PTPRT: variants seen among roughly 807,000 people sequenced by gnomAD.
PTPRT encodes the protein protein tyrosine phosphatase receptor type T.
A neutral mutation model predicts 176.8 loss-of-function variants in PTPRT; 56 were observed. The ratio of observed to expected loss-of-function variants is 0.32; its 90% CI spans 0.26 to 0.40. The LOEUF is 0.40. Ranked by LOEUF, PTPRT falls within the 10% of genes least tolerant of loss-of-function variation. The probability of loss-of-function intolerance (pLI) is 1.00; values close to 1 mark genes in which losing one functional copy is unlikely to be tolerated. For missense variants in PTPRT, 1,540 were observed against 1,908.2 expected (o/e 0.81, Z 3.60); for synonymous variants, 783 against 739.0 (o/e 1.06, Z -0.96).
At position 42,600,775 on chromosome 20, in the gene PTPRT, A is replaced by G. The variant is rs578056065; in HGVS notation, c.1153+77091T>C. Among the ~76,000 whole-genome samples the G allele has an allele frequency of 2.3e-4, 35 of 152,308 alleles. 1 individual carries two copies. The South Asian group carries it at 7.2e-3, about 32-fold the overall frequency. On this transcript the variant is annotated intron_variant, in intron 7 of 30. Transcript: ENST00000373187. ...CCTCCAGTTCCAACCATGTTGTTGCAAAATACATACTTTTATTCTTTTATG... is the reference window on the plus strand; with the variant it reads ...CCTCCAGTTCCAACCATGTTGTTGCGAAATACATACTTTTATTCTTTTATG...
intron 7 of PTPRT, among the ~76,000 whole-genome samples, chr20:42,485,225 G>A (rs777679363): frequency 3.9e-5 from 6 of 152,188 alleles, no homozygotes; most frequent in Non-Finnish European, 8.8e-5. Context: ...TGAAGAAAAG[G>A]AGAAGTCAAA....
At chr20:42,397,725 T>C (rs893352754) in intron 9 of PTPRT, among the ~76,000 whole-genome samples, 1 of 152,212 alleles carries the variant, frequency 6.6e-6, no homozygotes, top group Non-Finnish European at 1.5e-5. Flanking sequence ...AGGTCTTTGC[T>C]ATTGTGACTA....
intron 1 of PTPRT, among the ~76,000 whole-genome samples, chr20:43,002,482 A>G (rs1373613543): frequency 6.6e-6 from 1 of 152,222 alleles, no homozygotes; most frequent in African/African-American, 2.4e-5. Context: ...AAATCAACCA[A>G]AATTAAACAA....
Position 42,117,876 on chromosome 20 carries a change from T to C in PTPRT, c.2982+527A>G, listed in dbSNP as rs555056314. Among the ~76,000 whole-genome samples, 5 of 152,192 alleles carry C rather than the reference T, an allele frequency of 3.3e-5. No individual in the cohort carries two copies. In the South Asian group the frequency reaches 1.0e-3, roughly 32 times the overall value. On this transcript the variant is annotated intron_variant, in intron 21 of 30. Transcript: ENST00000373187. ...TATGCTAAGGGGAACAATTTGGCAA[T>C]GAGAAAGAGACTTATTTTGCAAGTG...
rs538606480 is a variant in PTPRT at position 42,533,992 on chromosome 20, GAT to G, written c.1154-61432_1154-61431del. Among the ~76,000 whole-genome samples, 400 of 152,280 alleles carry G rather than the reference GAT, an allele frequency of 2.6e-3. 4 individuals are homozygous for G. Among genetic ancestry groups the G allele is most frequent in the African/African-American group, 9.2e-3 (384 of 41,574 alleles). ...TCTGCAGCTGCCCTCTCTCTGTCCA[GAT>G]GGACAGTTTCCATAGAGATCCATGT... On this transcript the variant is annotated intron_variant, in intron 7 of 30. Transcript: ENST00000373187.
At position 42,617,927 on chromosome 20, in the gene PTPRT, A is replaced by G. The variant is rs77235955; in HGVS notation, c.1153+59939T>C. Among the ~76,000 whole-genome samples, 10 of 136,288 alleles carry G rather than the reference A, an allele frequency of 7.3e-5. 3 individuals are homozygous for G. The highest frequency in any genetic ancestry group is 1.9e-4 in the African/African-American group (6 of 31,110). 89.4% of individuals were successfully genotyped at this position (136,288 alleles called of 152,430 possible). A position where few individuals can be genotyped will look rare whatever the true frequency, so the allele number is the denominator to read the frequency against. On this transcript the variant is annotated intron_variant, in intron 7 of 30. Coordinates refer to ENST00000373187, the MANE Select transcript of PTPRT (RefSeq NM_007050.6). Reference sequence around the variant, plus strand: ...ATTGATTTTTTGAAGGGTTTTTTGTATCTCTATTTCCTTCAGTTCTGCTCT... The same window carrying G: ...ATTGATTTTTTGAAGGGTTTTTTGTGTCTCTATTTCCTTCAGTTCTGCTCT...
intron 1 of PTPRT, among the ~76,000 whole-genome samples, chr20:43,170,112 G>A (rs1236601196): frequency 6.6e-6 from 1 of 151,882 alleles, no homozygotes; most frequent in African/African-American, 2.4e-5. Flanking sequence ...CAACAGCAAT[G>A]AGACCATGGG....
chr20:42,212,867 T>C (rs570761849), intron 15 of PTPRT, among the ~76,000 whole-genome samples: 1 of 152,360 alleles, frequency 6.6e-6, no homozygotes, highest in Admixed American at 6.5e-5. Flanking sequence ...CCCTGGATAA[T>C]GACTTTTCTT....
At chr20:42,693,263 T>C (rs1314614957) in intron 6 of PTPRT, among the ~76,000 whole-genome samples, 1 of 152,182 alleles carries the variant, frequency 6.6e-6, no homozygotes, top group Non-Finnish European at 1.5e-5. Context: ...ATTAGAAGAA[T>C]CAATATTGTA....
intron 9 of PTPRT, among the ~76,000 whole-genome samples, chr20:42,409,924 G>A (rs1382099365): frequency 6.6e-6 from 1 of 151,944 alleles, no homozygotes; most frequent in African/African-American, 2.4e-5. Flanking sequence ...AATTTAAAAA[G>A]AAATCATGAA....
chr20:42,346,550 A>C (rs1323449149), intron 11 of PTPRT, among the ~76,000 whole-genome samples: 1 of 152,170 alleles, frequency 6.6e-6, no homozygotes, highest in East Asian at 1.9e-4. Context: ...TCCATTGTGG[A>C]GTGTTAGAAA....
intron 7 of PTPRT, among the ~76,000 whole-genome samples, chr20:42,611,194 G>A (rs2073970134): frequency 6.6e-6 from 1 of 152,194 alleles, no homozygotes; most frequent in African/African-American, 2.4e-5. Context: ...CTTAGCAGTG[G>A]AATTGCTGAG....
At chr20:42,303,780 T>C (rs1600807710) in intron 12 of PTPRT, among the ~76,000 whole-genome samples, 1 of 151,970 alleles carries the variant, frequency 6.6e-6, no homozygotes, top group Non-Finnish European at 1.5e-5. Flanking sequence ...GCACTGGAGA[T>C]GAGAAAAGTG....
the PTPRT span, among the ~76,000 whole-genome samples, chr20:42,040,096 A>G: frequency 6.6e-6 from 1 of 152,106 alleles, no homozygotes; most frequent in Non-Finnish European, 1.5e-5. Flanking sequence ...CAGTCTCACC[A>G]ACATTTTTTA....
rs188869412 is a variant in PTPRT at position 42,390,239 on chromosome 20, C to G, written c.1561-37954G>C. Among the ~76,000 whole-genome samples, 6 of 152,040 alleles carry G rather than the reference C, an allele frequency of 3.9e-5. No individual in the cohort carries two copies. The South Asian group carries it at 1.0e-3, about 26-fold the overall frequency. ...GTAAAGACTTGTGAATGAATCAACA[C>G]GTAGTAAAAGAGAGAATGCAATCAG... On this transcript the variant is annotated intron_variant, in intron 9 of 30. Transcript: ENST00000373187.
chr20:43,006,163 T>C (rs1011643625), intron 1 of PTPRT, among the ~76,000 whole-genome samples: 13 of 152,190 alleles, frequency 8.5e-5, no homozygotes, highest in African/African-American at 3.1e-4. Flanking sequence ...TTTTTAAAGT[T>C]TTGACATTGA....
intron 1 of PTPRT, among the ~76,000 whole-genome samples, chr20:43,030,732 C>G (rs1230793074): frequency 6.6e-6 from 1 of 152,112 alleles, no homozygotes; most frequent in Non-Finnish European, 1.5e-5. Flanking sequence ...AGGTGGTCTT[C>G]CTGCCACAGG....
intron 7 of PTPRT, among the ~76,000 whole-genome samples, chr20:42,671,107 T>G (rs1256671115): frequency 6.6e-6 from 1 of 152,094 alleles, no homozygotes; most frequent in Non-Finnish European, 1.5e-5. Context: ...GGTGTCCCTA[T>G]CTCTTGTCAC....
intron 7 of PTPRT, among the ~76,000 whole-genome samples, chr20:42,564,112 A>G (rs1020659268): frequency 6.6e-6 from 1 of 152,228 alleles, no homozygotes; most frequent in East Asian, 1.9e-4. Flanking sequence ...CCACTAAAAC[A>G]TAACCACAGG....
Sources: gnomAD v4.1 joint callset for allele counts (sites outside exome capture counted in the v4.1 genomes callset) on GRCh38, gnomAD v4.1.1 for gene constraint, MANE v1.5 for transcripts, NCBI Gene and HGNC (gene_info 2026-07-23, HGNC 2026-07-21) for gene names.